MIPOL1: variants seen among roughly 807,000 people sequenced by gnomAD.
MIPOL1 encodes mirror-image polydactyly gene 1 protein.
MIPOL1 carries 57 observed loss-of-function variants against 60.9 expected under a neutral mutation model. The ratio of observed to expected loss-of-function variants is 0.94; its 90% CI spans 0.76 to 1.17. The LOEUF (loss-of-function observed/expected upper bound fraction) is 1.17, where lower values mean the gene tolerates loss of function less well. MIPOL1 is among the 50% of genes most tolerant of loss of function. MIPOL1 has a pLI of 0.00. For synonymous variants in MIPOL1, 179 were observed against 168.8 expected (o/e 1.06, Z -0.47); for missense variants, 551 against 511.6 (o/e 1.08, Z -0.74).
rs144538346 is a variant in MIPOL1 at position 37,461,784 on chromosome 14, A to G, written c.1032-38124A>G. On this transcript the variant is annotated intron_variant, in intron 11 of 12. Transcript: ENST00000684589. ...CTCCAAAATGATCTCCTTTGACTCC[A>G]TGTTTCACATCCAGGTCATGCTGAT... Among the ~76,000 whole-genome samples the G allele has an allele frequency of 3.2e-3, 491 of 152,280 alleles. 2 individuals are homozygous for G. Among genetic ancestry groups the G allele is most frequent in the African/African-American group, 0.011 (442 of 41,560 alleles).
intron 10 of MIPOL1, among the ~76,000 whole-genome samples, chr14:37,392,035 T>C (rs1021543578): frequency 2.6e-5 from 4 of 152,180 alleles, no homozygotes; most frequent in Admixed American, 6.6e-5. Flanking sequence ...GTGGACTAAA[T>C]GTTCCAATTA....
rs183826188 is a variant in MIPOL1 at position 37,530,061 on chromosome 14, A to T, written c.1263-16844A>T. 1.2e-3 allele frequency among the ~76,000 whole-genome samples: 189 copies of T among 152,342 alleles called. 1 individual carries two copies. Among genetic ancestry groups the T allele is most frequent in the African/African-American group, 4.2e-3 (176 of 41,592 alleles). On this transcript the variant is annotated intron_variant, in intron 12 of 12. Transcript: ENST00000684589. ...AGGTAAGAGTACCAGCTAAGAAGTC[A>T]TGATAGTATAGTATTTTAAGATAGA...
chr14:37,528,842 C>T (rs1203674015), intron 12 of MIPOL1, among the ~76,000 whole-genome samples: 3 of 152,104 alleles, frequency 2.0e-5, no homozygotes, highest in Non-Finnish European at 4.4e-5. Context: ...CATCAAAGAG[C>T]TTCACTGCTA....
chr14:37,318,715 T>C (rs1329957466), intron 9 of MIPOL1, among the ~76,000 whole-genome samples: 2 of 152,178 alleles, frequency 1.3e-5, no homozygotes, highest in Non-Finnish European at 2.9e-5. Flanking sequence ...ACATATTGTA[T>C]TGTATATACT....
At position 37,480,362 on chromosome 14, in the gene MIPOL1, G is replaced by A. The variant is rs565710376; in HGVS notation, c.1032-19546G>A. On this transcript the variant is annotated intron_variant, in intron 11 of 12. Coordinates refer to ENST00000684589, the MANE Select transcript of MIPOL1 (RefSeq NM_001388067.1). ...ATTATAAATCCACCATTATCGAGTGGGATTTATTCTTGGGATGCAAGGATG... is the reference window on the plus strand; with the variant it reads ...ATTATAAATCCACCATTATCGAGTGAGATTTATTCTTGGGATGCAAGGATG... Among the ~76,000 whole-genome samples the A allele has an allele frequency of 3.3e-5, 5 of 151,974 alleles. No individual in the cohort carries two copies. The South Asian group carries it at 1.0e-3, about 32-fold the overall frequency.
At chr14:37,516,466 T>G (rs1372727412) in intron 12 of MIPOL1, among the ~76,000 whole-genome samples, 1 of 152,200 alleles carries the variant, frequency 6.6e-6, no homozygotes, top group Non-Finnish European at 1.5e-5. Context: ...AATATTTTAT[T>G]GAAGTATACT....
intron 7 of MIPOL1, among the ~76,000 whole-genome samples, chr14:37,296,531 A>C (rs1225045795): frequency 6.6e-6 from 1 of 152,204 alleles, no homozygotes; most frequent in Non-Finnish European, 1.5e-5. Flanking sequence ...TTTTTTGAAA[A>C]GATCAACAAA....
At chr14:37,314,093 T>C (rs749806272) in intron 9 of MIPOL1, among the ~76,000 whole-genome samples, 2 of 151,608 alleles carry the variant, frequency 1.3e-5, no homozygotes, top group Non-Finnish European at 3.0e-5. Flanking sequence ...TATCACTCTT[T>C]TAATTTCTGT....
intron 9 of MIPOL1, among the ~76,000 whole-genome samples, chr14:37,325,459 A>G (rs1373144243): frequency 6.6e-6 from 1 of 151,784 alleles, no homozygotes; most frequent in East Asian, 1.9e-4. Context: ...ACTACCTTTT[A>G]ATATTTTATT....
At chr14:37,295,351 T>G (rs1421984744) in intron 7 of MIPOL1, among the ~76,000 whole-genome samples, 1 of 152,228 alleles carries the variant, frequency 6.6e-6, no homozygotes, top group Non-Finnish European at 1.5e-5. Context: ...TGGAAAAACA[T>G]GCCAAATTGT....
At chr14:37,244,104 C>CTTTT (rs143933758) in intron 1 of MIPOL1, among the ~76,000 whole-genome samples, 1,450 of 51,668 alleles carry the variant, frequency 0.028, 534 homozygotes, top group East Asian at 0.041. Context: ...GACTCACTTC[C>CTTTT]TTTTTTTTTT....
At chr14:37,514,707 C>T (rs561180650) in intron 12 of MIPOL1, among the ~76,000 whole-genome samples, 3 of 152,012 alleles carry the variant, frequency 2.0e-5, no homozygotes, top group South Asian at 2.1e-4. Context: ...CAGCAACCTC[C>T]GCCTCCCGAG....
chr14:37,507,234 A>G (rs757605094), intron 12 of MIPOL1: 23 of 152,202 alleles, frequency 1.5e-4, no homozygotes, highest in Non-Finnish European at 3.4e-4. Flanking sequence ...ATACCATTTG[A>G]CCCAGCCATC....
chr14:37,429,761 C>G (rs940306589), intron 11 of MIPOL1, among the ~76,000 whole-genome samples: 3 of 151,732 alleles, frequency 2.0e-5, no homozygotes, highest in African/African-American at 4.8e-5. Flanking sequence ...TCTTTGTGTA[C>G]TTTTTTTGGT....
At chr14:37,298,276 C>A (rs1031217223) in intron 7 of MIPOL1, among the ~76,000 whole-genome samples, 8 of 152,140 alleles carry the variant, frequency 5.3e-5, no homozygotes, top group African/African-American at 1.7e-4. Context: ...GGATCCCTTC[C>A]TTACACCTTA....
At chr14:37,273,669 A>G (rs2153395551) in intron 6 of MIPOL1, among the ~76,000 whole-genome samples, 1 of 151,604 alleles carries the variant, frequency 6.6e-6, no homozygotes, top group Admixed American at 6.6e-5. Context: ...GGCAGTTTGG[A>G]GCAATTGGGA....
intron 12 of MIPOL1, among the ~76,000 whole-genome samples, chr14:37,516,401 T>C (rs1200181672): frequency 6.6e-6 from 1 of 152,208 alleles, no homozygotes; most frequent in Non-Finnish European, 1.5e-5. Context: ...TGCTCAATAA[T>C]TTCATTTCTT....
At chr14:37,476,578 T>C (rs1393709595) in intron 11 of MIPOL1, among the ~76,000 whole-genome samples, 2 of 152,208 alleles carry the variant, frequency 1.3e-5, no homozygotes, top group Admixed American at 1.3e-4. Flanking sequence ...TTTATAGATG[T>C]TCTGTATAAA....
intron 1 of MIPOL1, among the ~76,000 whole-genome samples, chr14:37,203,579 C>T (rs900476622): frequency 2.0e-5 from 3 of 152,072 alleles, no homozygotes; most frequent in Admixed American, 6.6e-5. Context: ...TAGAATATGG[C>T]AAAAATGGTG....
Sources: allele counts gnomAD v4.1 joint callset (sites outside exome capture counted in the v4.1 genomes callset), GRCh38; gene constraint gnomAD v4.1.1; transcripts MANE v1.5; gene names NCBI Gene and HGNC (gene_info 2026-07-23, HGNC 2026-07-21).